The following MTERF4 variants were observed in gnomAD, a reference collection of about 807,000 sequenced individuals.
The protein encoded by MTERF4 is mitochondrial transcription termination factor 4.
Under a neutral mutation model 22.5 loss-of-function variants are expected in MTERF4, and 17 were observed. That is an observed-to-expected ratio of 0.75 (90% CI 0.52 to 1.13). MTERF4 has a LOEUF of 1.13. MTERF4 is among the 50% of genes most tolerant of loss of function. The pLI, the probability that MTERF4 is intolerant of heterozygous loss-of-function variation, is 0.00. For missense variants in MTERF4, 420 were observed against 466.8 expected (o/e 0.90, Z 0.92); for synonymous variants, 165 against 175.3 (o/e 0.94, Z 0.47).
chr2:241,064,070 C>A, the MTERF4 span: 1 of 1,567,004 alleles, frequency 6.4e-7, no homozygotes. This position sits in a 1 kb window ranked among gnomAD's most constrained non-coding sequence, Gnocchi z 7.0. Context: ...AGAGCGGCGG[C>A]GGGGCCTACC....
At chr2:241,066,960 G>A in the MTERF4 span, among the ~76,000 whole-genome samples, 1 of 152,242 alleles carries the variant, frequency 6.6e-6, no homozygotes, top group African/African-American at 2.4e-5. Flanking sequence ...GGCCAGTGGA[G>A]AGCCTGGGCG....
At chr2:241,049,618 T>G in the MTERF4 span, among the ~76,000 whole-genome samples, 1 of 152,046 alleles carries the variant, frequency 6.6e-6, no homozygotes, top group African/African-American at 2.4e-5. Flanking sequence ...TCTGCTAAAA[T>G]CGAGAAAAAG....
At chr2:241,070,342 CTG>C (rs1276873770), downstream of MTERF4, 14 of 936,112 alleles carry the variant, frequency 1.5e-5, no homozygotes, top group African/African-American at 2.2e-4. Flanking sequence ...GGGGAGGAGT[CTG>C]TGTATGAAAG....
chr2:241,082,912 G>A (rs1443975611), downstream of MTERF4, among the ~76,000 whole-genome samples: 1 of 151,832 alleles, frequency 6.6e-6, no homozygotes, highest in Non-Finnish European at 1.5e-5. Context: ...AGCACCTGCT[G>A]TGTGCCGGGC....
chr2:241,068,828 C>T (rs2062579829), downstream of MTERF4: 5 of 971,962 alleles, frequency 5.1e-6, no homozygotes. The surrounding 1 kb of genome is among the most constrained non-coding windows in gnomAD (Gnocchi z 5.3). Context: ...TCACCTCCTG[C>T]CTGGGGGAGC....
chr2:241,052,405 G>A, the MTERF4 span: 1 of 1,602,450 alleles, frequency 6.2e-7, no homozygotes, highest in Non-Finnish European at 8.5e-7. Context: ...CACCTGCGAG[G>A]ACCGGGACAC....
At chr2:241,067,002 A>C in the MTERF4 span, among the ~76,000 whole-genome samples, 1 of 152,232 alleles carries the variant, frequency 6.6e-6, no homozygotes, top group African/African-American at 2.4e-5. Context: ...AGGTGTCAGC[A>C]GGAGCTGCCA....
the MTERF4 span, among the ~76,000 whole-genome samples, chr2:241,061,452 T>C: frequency 2.6e-5 from 4 of 152,222 alleles, no homozygotes; most frequent in African/African-American, 9.6e-5. Context: ...TGTGGCACTC[T>C]GCCTGTTGAG....
At chr2:241,099,338 G>C in intron 2 of MTERF4, 58 bp downstream of exon 2, 2 of 1,552,332 alleles carry the variant, frequency 1.3e-6, no homozygotes, top group Non-Finnish European at 1.7e-6. Context: ...GCCTCCCAAA[G>C]ATCTGGGATT....
At chr2:241,099,151 T>C (rs1159178664) in intron 2 of MTERF4, 2 of 426,504 alleles carry the variant, frequency 4.7e-6, no homozygotes, top group East Asian at 8.7e-5. Flanking sequence ...CTCAGCTCAC[T>C]GCAACCTCCG....
chr2:241,052,831 GGTGTC>G, the MTERF4 span, among the ~76,000 whole-genome samples: 2 of 112,638 alleles, frequency 1.8e-5, no homozygotes, highest in South Asian at 3.6e-4. Context: ...ATGGGATGCC[GGTGTC>G]AGGCAGGTGA....
At chr2:241,047,647 C>A in the MTERF4 span, among the ~76,000 whole-genome samples, 17 of 152,364 alleles carry the variant, frequency 1.1e-4, no homozygotes, top group South Asian at 3.5e-3. Context: ...TGGAAAATCC[C>A]AAATACTTCA....
downstream of MTERF4, among the ~76,000 whole-genome samples, chr2:241,085,860 C>CTTTTTTT (rs772995766): frequency 2.1e-4 from 17 of 79,158 alleles, no homozygotes; most frequent in Non-Finnish European, 3.1e-4. Context: ...TCTGCGGTTT[C>CTTTTTTT]TTTTTTTTTT....
chr2:241,063,480 G>C, the MTERF4 span: 2 of 774,482 alleles, frequency 2.6e-6, no homozygotes, highest in Admixed American at 2.0e-5. Flanking sequence ...GTTGCTCCCA[G>C]CTGGGAAAGG....
chr2:241,085,494 G>A (rs1042601160), downstream of MTERF4, among the ~76,000 whole-genome samples: 6 of 152,088 alleles, frequency 3.9e-5, no homozygotes, highest in African/African-American at 1.4e-4. Context: ...TTAGCTCACT[G>A]AACATGTGGA....
At chr2:241,057,383 ATAT>A in the MTERF4 span, among the ~76,000 whole-genome samples, 1 of 39,512 alleles carries the variant, frequency 2.5e-5, no homozygotes, top group Non-Finnish European at 5.4e-5. Context: ...ATCTCAAAAT[ATAT>A]ATATATATAT....
chr2:241,099,808 TGTC>T lies in MTERF4; in HGVS notation c.105_107del (p.Thr36del). Reference sequence around the variant, plus strand: ...TAGTCAGTTTGCGCAACAAAGAAGCTGTCGTCCTTCTCTGTTCTCCAAGATGAG... The same window carrying T: ...TAGTCAGTTTGCGCAACAAAGAAGCTGTCCTTCTCTGTTCTCCAAGATGAG... On this transcript the variant is annotated inframe_deletion, in exon 2 of 4. Transcript: ENST00000391980. 1 of 1,614,168 alleles carries T rather than the reference TGTC, an allele frequency of 6.2e-7. No individual in the cohort carries two copies. Among genetic ancestry groups the T allele is most frequent in the Non-Finnish European group, 8.5e-7 (1 of 1,180,042 alleles).
intron 2 of MTERF4, 25 bp downstream of exon 2, chr2:241,099,371 A>G (rs747904346): frequency 6.3e-7 from 1 of 1,599,406 alleles, no homozygotes; most frequent in Middle Eastern, 1.7e-4. Context: ...CACCGCACCC[A>G]GCCAAAATCT....
chr2:241,071,890 G>A (rs750112988), downstream of MTERF4: 35 of 1,589,710 alleles, frequency 2.2e-5, no homozygotes, highest in Non-Finnish European at 8.6e-7. Flanking sequence ...TGAGTGCCAG[G>A]GCCTCCCCAC....
Sources: gnomAD v4.1 joint callset for allele counts (sites outside exome capture counted in the v4.1 genomes callset) on GRCh38, gnomAD v4.1.1 for gene constraint, Gnocchi (gnomAD v3.1) non-coding constraint, MANE v1.5 for transcripts, NCBI Gene and HGNC (gene_info 2026-07-23, HGNC 2026-07-21) for gene names.